Variants in EYS observed in about 807,000 individuals in gnomAD.
EYS encodes the protein protein eyes shut homolog.
A neutral mutation model predicts 282.1 loss-of-function variants in EYS; 250 were observed. The observed-to-expected ratio is 0.89, with a 90% CI of 0.80 to 0.98. The LOEUF (loss-of-function observed/expected upper bound fraction) is 0.98, where lower values mean the gene tolerates loss of function less well. EYS is among the 50% of genes least tolerant of loss of function. The pLI is 0.00. For synonymous variants in EYS, 1,355 were observed against 1,282.9 expected, an observed-to-expected ratio of 1.06 and a Z score of -1.20; for missense variants, 4,016 against 3,709.0, an observed-to-expected ratio of 1.08 and a Z score of -2.15.
intron 18 of EYS, among the ~76,000 whole-genome samples, chr6:64,900,492 G>A (rs1401661552): frequency 6.6e-6 from 1 of 152,050 alleles, no homozygotes; most frequent in Non-Finnish European, 1.5e-5. Flanking sequence ...CTGGGAAATG[G>A]CTAATATACA....
chr6:65,047,141 T>C (rs1269269621), intron 13 of EYS, among the ~76,000 whole-genome samples: 9 of 151,806 alleles, frequency 5.9e-5, no homozygotes, highest in Non-Finnish European at 1.3e-4. Context: ...TAATTCTTTA[T>C]AGCATTTTGA....
intron 9 of EYS, among the ~76,000 whole-genome samples, chr6:65,352,029 G>A (rs576663203): frequency 6.6e-6 from 1 of 151,818 alleles, no homozygotes; most frequent in Non-Finnish European, 1.5e-5. Context: ...CAGAGTCTCT[G>A]AAAGTTCCTT....
intron 12 of EYS, among the ~76,000 whole-genome samples, chr6:65,283,004 A>G (rs1409877920): frequency 6.6e-6 from 1 of 151,954 alleles, no homozygotes; most frequent in Non-Finnish European, 1.5e-5. Flanking sequence ...CACATGCTAA[A>G]ATTTGTCATT....
In EYS at chr6:64,920,775, A is replaced by G. The variant is rs187342489; in HGVS notation, c.2382-8032T>C. ...CCTACACATATATTTTTATTCTTTC[A>G]GGTACAATTTGAGTAGGAGGCAGAA... On this transcript the variant is annotated intron_variant, in intron 15 of 42. Coordinates refer to ENST00000503581, the MANE Select transcript of EYS (RefSeq NM_001142800.2). 1.4e-3 allele frequency among the ~76,000 whole-genome samples: 219 copies of G among 152,202 alleles called. 1 individual carries two copies. The highest frequency in any genetic ancestry group is 2.5e-3 in the Non-Finnish European group (172 of 67,932).
intron 5 of EYS, among the ~76,000 whole-genome samples, chr6:65,486,652 A>G (rs1765794095): frequency 1.3e-5 from 2 of 152,192 alleles, no homozygotes; most frequent in African/African-American, 4.8e-5. Flanking sequence ...GCTTGTGGGA[A>G]GCATTTGAGG....
rs1243152455 is a variant in EYS at position 63,721,250 on chromosome 6, A to G, written c.8781T>C (p.Cys2927=). 48 of 1,551,798 alleles carry G rather than the reference A, an allele frequency of 3.1e-5. No individual in the cohort carries two copies. The highest frequency in any genetic ancestry group is 4.2e-5 in the Non-Finnish European group (48 of 1,146,982). The change falls in exon 43 of 43, where the codon TGT becomes TGC. Residue 2927 remains cysteine, a synonymous_variant. Coordinates refer to ENST00000503581, the MANE Select transcript of EYS (RefSeq NM_001142800.2). ...TGTAAGAAAATGATTGGTCAGGTAT[A>G]CATAAAGATTGGTGGAGGCAAAGAT... ...LNNLCLHQSL[C]IPDQSFSYSC... is the part of the protein sequence containing the mutation.
At chr6:63,816,343 A>G (rs1348485905) in intron 36 of EYS, among the ~76,000 whole-genome samples, 1 of 152,208 alleles carries the variant, frequency 6.6e-6, no homozygotes, top group African/African-American at 2.4e-5. Context: ...AACAATCAGA[A>G]AACATAATGA....
chr6:64,266,646 T>G (rs903635372), intron 30 of EYS, among the ~76,000 whole-genome samples: 2 of 152,080 alleles, frequency 1.3e-5, no homozygotes, highest in Non-Finnish European at 2.9e-5. Context: ...ACACTTCACT[T>G]TCATGGAGGT....
At chr6:64,895,112 A>G (rs572801532) in intron 18 of EYS, among the ~76,000 whole-genome samples, 1 of 152,134 alleles carries the variant, frequency 6.6e-6, no homozygotes, top group Admixed American at 6.6e-5. Flanking sequence ...GATTCCAAAC[A>G]TCCCTACTTA....
At chr6:64,701,665 G>T (rs1770795874) in intron 22 of EYS, among the ~76,000 whole-genome samples, 1 of 152,140 alleles carries the variant, frequency 6.6e-6, no homozygotes, top group African/African-American at 2.4e-5. Flanking sequence ...TGGACATAAA[G>T]TGTCCACAAT....
chr6:65,544,151 G>C (rs905218344), intron 2 of EYS, among the ~76,000 whole-genome samples: 1 of 151,974 alleles, frequency 6.6e-6, no homozygotes, highest in Non-Finnish European at 1.5e-5. Flanking sequence ...CCACATGGGT[G>C]GCCTTTGGTT....
chr6:64,124,198 G>T (rs554551386), intron 31 of EYS, among the ~76,000 whole-genome samples: 50 of 152,258 alleles, frequency 3.3e-4, no homozygotes, highest in African/African-American at 1.2e-3. Context: ...CTTTGTTTTG[G>T]CAAGTTAGAA....
chr6:64,438,721 T>C (rs1276682381), intron 27 of EYS, among the ~76,000 whole-genome samples: 3 of 151,706 alleles, frequency 2.0e-5, no homozygotes, highest in African/African-American at 4.8e-5. Flanking sequence ...TAAATATATA[T>C]AAACTGATCT....
intron 12 of EYS, among the ~76,000 whole-genome samples, chr6:65,128,584 A>G (rs1775782093): frequency 6.6e-6 from 1 of 152,062 alleles, no homozygotes. Context: ...ATTAGCTAAA[A>G]AGAATAAAAT....
chr6:64,409,865 C>G (rs571975723), intron 28 of EYS, among the ~76,000 whole-genome samples: 1 of 151,930 alleles, frequency 6.6e-6, no homozygotes, highest in Non-Finnish European at 1.5e-5. Context: ...AAGACATGTA[C>G]TATGAAAGTG....
intron 5 of EYS, among the ~76,000 whole-genome samples, chr6:65,451,951 T>C (rs893621270): frequency 6.6e-6 from 1 of 151,856 alleles, no homozygotes; most frequent in African/African-American, 2.4e-5. Context: ...TTTTGCCTTG[T>C]TAAATGTTTT....
chr6:63,895,558 T>C (rs1773515684), intron 35 of EYS, among the ~76,000 whole-genome samples: 2 of 152,228 alleles, frequency 1.3e-5, no homozygotes. Context: ...TGTGGATAAT[T>C]TTAAGATTAA....
At chr6:65,670,075 C>G (rs1768343006) in intron 1 of EYS, among the ~76,000 whole-genome samples, 1 of 151,978 alleles carries the variant, frequency 6.6e-6, no homozygotes, top group South Asian at 2.1e-4. Context: ...AGAACAAATA[C>G]AACAAGATTA....
Position 65,594,805 on chromosome 6 carries a change from T to C in EYS, c.-333+44973A>G, listed in dbSNP as rs552882976. On this transcript the variant is annotated intron_variant, in intron 2 of 42. Coordinates refer to ENST00000503581, the MANE Select transcript of EYS (RefSeq NM_001142800.2). ...GGTTTTTATGGTTTTAGGTCTAACATTTAAGTCTTTAATCCATCTTGAACT... is the reference window on the plus strand; with the variant it reads ...GGTTTTTATGGTTTTAGGTCTAACACTTAAGTCTTTAATCCATCTTGAACT... Among the ~76,000 whole-genome samples, 196 of 152,248 alleles carry C rather than the reference T, an allele frequency of 1.3e-3. 1 individual carries two copies. Among genetic ancestry groups the C allele is most frequent in the Middle Eastern group, 3.4e-3 (1 of 294 alleles).
Sources: allele counts gnomAD v4.1 joint callset (sites outside exome capture counted in the v4.1 genomes callset), GRCh38; gene constraint gnomAD v4.1.1; transcripts MANE v1.5; gene names NCBI Gene and HGNC (gene_info 2026-07-23, HGNC 2026-07-21).